PPP5C: variants seen among roughly 807,000 people sequenced by gnomAD.
PPP5C encodes serine/threonine-protein phosphatase 5.
A neutral mutation model predicts 66.7 loss-of-function variants in PPP5C; 21 were observed. The ratio of observed to expected loss-of-function variants is 0.31; its 90% CI spans 0.22 to 0.45. The LOEUF (loss-of-function observed/expected upper bound fraction) is 0.45, where lower values mean the gene tolerates loss of function less well. Among genes scored for constraint, PPP5C ranks in the 20% least tolerant of loss-of-function variants. PPP5C has a pLI of 1.00. For synonymous variants in PPP5C, 246 were observed against 257.4 expected (o/e 0.96, Z 0.43); for missense variants, 464 against 675.9 (o/e 0.69, Z 3.48).
At chr19:46,390,254 C>T in intron 12 of PPP5C, 30 bp from the exon 13 acceptor site, 3 of 1,595,624 alleles carry the variant, frequency 1.9e-6, no homozygotes, top group East Asian at 2.3e-5. Flanking sequence ...GTTCTGACTT[C>T]TGTCCATCCC....
intron 8 of PPP5C, 57 bp from the exon 9 acceptor site, chr19:46,387,309 T>C: frequency 6.2e-7 from 1 of 1,610,416 alleles, no homozygotes; most frequent in Non-Finnish European, 8.5e-7. Flanking sequence ...GTGAAGGAAG[T>C]TGGGGCCTGT....
rs774421297 is a variant in PPP5C at position 46,390,142 on chromosome 19, C to G, written c.1437+10C>G. 2 of 1,613,178 alleles carry G rather than the reference C, an allele frequency of 1.2e-6. No individual in the cohort carries two copies. The highest frequency in any genetic ancestry group is 1.7e-6 in the Non-Finnish European group (2 of 1,179,206). On this transcript the variant is annotated intron_variant, in intron 12 of 12. Transcript: ENST00000012443. ...CCAGTTCACAGCAGTGGTGAGTCACCCCTCAGGGCCCCTGCCCCTTCCATC... is the reference window on the plus strand; with the variant it reads ...CCAGTTCACAGCAGTGGTGAGTCACGCCTCAGGGCCCCTGCCCCTTCCATC...
chr19:46,360,690 A>G (rs982360898), intron 2 of PPP5C, among the ~76,000 whole-genome samples: 7 of 151,990 alleles, frequency 4.6e-5, no homozygotes, highest in Non-Finnish European at 8.8e-5. Flanking sequence ...TTTTGTAGAG[A>G]CAGGGTTTTG....
chr19:46,358,535 C>T (rs903242465), intron 2 of PPP5C, among the ~76,000 whole-genome samples: 1 of 152,146 alleles, frequency 6.6e-6, no homozygotes, highest in Non-Finnish European at 1.5e-5. Context: ...CGTTTACCCT[C>T]GTAAATGTTC....
chr19:46,360,720 CTT>C (rs2147370183), intron 2 of PPP5C, among the ~76,000 whole-genome samples: 1 of 152,266 alleles, frequency 6.6e-6, no homozygotes, highest in South Asian at 2.1e-4. Flanking sequence ...CCAAGGTGGT[CTT>C]GAACTAGCCT....
Position 46,388,567 on chromosome 19 carries a change from C to T in PPP5C, c.1191C>T (p.Ile397=), listed in dbSNP as rs1434306778. Residue 397 remains isoleucine, a synonymous_variant, in exon 11 of 13, where the codon ATC becomes ATT. Transcript: ENST00000012443. This position sits in a 1 kb window ranked among gnomAD's most constrained non-coding sequence, Gnocchi z 4.9. ...SDPQPQNGRS[I]SKRGVSCQFG... Reference sequence around the variant, plus strand: ...CCCACCCTCAGAACGGGCGCTCGATCAGCAAGCGGGGCGTGAGCTGTCAGT... The same window carrying T: ...CCCACCCTCAGAACGGGCGCTCGATTAGCAAGCGGGGCGTGAGCTGTCAGT... The T allele has an allele frequency of 1.9e-6, 3 of 1,613,936 alleles. No individual in the cohort carries two copies. The African/African-American group carries it at 4.0e-5, about 22-fold the overall frequency.
chr19:46,369,233 T>C (rs1972541237), intron 2 of PPP5C, among the ~76,000 whole-genome samples: 1 of 152,194 alleles, frequency 6.6e-6, no homozygotes, highest in African/African-American at 2.4e-5. Flanking sequence ...CACACCTAGG[T>C]TATGTGGCAT....
rs1314168931 is a variant in PPP5C at position 46,349,586 on chromosome 19, G to A, written c.121+2369G>A. Reference sequence around the variant, plus strand: ...GTAGAACCTTGGAAGTCAGATTGGGGAATATGGGTGTCATCCTGGGGGTGG... The same window carrying A: ...GTAGAACCTTGGAAGTCAGATTGGGAAATATGGGTGTCATCCTGGGGGTGG... On this transcript the variant is annotated intron_variant, in intron 1 of 12. Coordinates refer to ENST00000012443, the MANE Select transcript of PPP5C (RefSeq NM_006247.4). Among the ~76,000 whole-genome samples, 6 of 152,126 alleles carry A rather than the reference G, an allele frequency of 3.9e-5. No individual in the cohort carries two copies. The East Asian group carries it at 1.2e-3, about 29-fold the overall frequency.
In PPP5C at chr19:46,383,837, A is replaced by G; in HGVS notation, c.757A>G (p.Ile253Val). 6.2e-7 allele frequency: 1 copy of G among 1,613,732 alleles called. No individual in the cohort carries two copies. Among genetic ancestry groups the G allele is most frequent in the Non-Finnish European group, 8.5e-7 (1 of 1,179,906 alleles). ...THGQFYDLLN[I>V]FELNGLPSET... is the part of the protein sequence containing the mutation. ...TGGCCAGTTCTATGACCTCCTCAAC[A>G]TATTCGAGCTCAACGGTTTACCCTC... Residue 253 changes from isoleucine to valine, a missense_variant, in exon 6 of 13, where the codon ATA becomes GTA. Coordinates refer to ENST00000012443, the MANE Select transcript of PPP5C (RefSeq NM_006247.4). The surrounding 1 kb of genome is among the most constrained non-coding windows in gnomAD (Gnocchi z 5.0).
Position 46,347,171 on chromosome 19 carries a change from G to T in PPP5C, c.75G>T (p.Leu25=). The T allele has an allele frequency of 6.2e-7, 1 of 1,606,028 alleles. No homozygotes were observed. Among genetic ancestry groups the T allele is most frequent in the Non-Finnish European group, 8.5e-7 (1 of 1,176,656 alleles). Residue 25 remains leucine, a synonymous_variant, in exon 1 of 13, where the codon CTG becomes CTT. Transcript: ENST00000012443. The stretch of plus-strand genomic sequence containing the variant: ...ACGAACCCCCGGCTGATGGAGCTCT[G>T]AAGCGGGCAGAGGAGCTCAAGACTC... ...PRDEPPADGA[L]KRAEELKTQA...
At position 46,383,222 on chromosome 19, in the gene PPP5C, A is replaced by T. The variant is rs1295875011; in HGVS notation, c.634-189A>T. ...GCAATGCTTCGGCACTGCACAGGCC[A>T]CAGAAGCCTGCGGCTGCCTCCGGCC... On this transcript the variant is annotated intron_variant, in intron 4 of 12. Coordinates refer to ENST00000012443, the MANE Select transcript of PPP5C (RefSeq NM_006247.4). The surrounding 1 kb of genome is among the most constrained non-coding windows in gnomAD (Gnocchi z 5.0). 6.5e-7 allele frequency: 1 copy of T among 1,536,552 alleles called. No individual in the cohort carries two copies. Among genetic ancestry groups the T allele is most frequent in the East Asian group, 2.5e-5 (1 of 40,760 alleles).
intron 2 of PPP5C, among the ~76,000 whole-genome samples, chr19:46,370,833 C>T (rs973464900): frequency 2.6e-5 from 4 of 151,974 alleles, no homozygotes; most frequent in East Asian, 1.9e-4. Context: ...CTCCGCCTCC[C>T]GGGTTCATAC....
At position 46,388,081 on chromosome 19, in the gene PPP5C, A is replaced by C; in HGVS notation, c.1136-327A>C. 6.0e-6 allele frequency: 2 copies of C among 332,524 alleles called. No individual in the cohort carries two copies. Among genetic ancestry groups the C allele is most frequent in the Non-Finnish European group, 1.1e-5 (2 of 179,428 alleles). 20.6% of individuals were successfully genotyped at this position (332,524 alleles called of 1,614,324 possible). A position where few individuals can be genotyped will look rare whatever the true frequency, so the allele number is the denominator to read the frequency against. On this transcript the variant is annotated intron_variant, in intron 9 of 12. Coordinates refer to ENST00000012443, the MANE Select transcript of PPP5C (RefSeq NM_006247.4). This position sits in a 1 kb window ranked among gnomAD's most constrained non-coding sequence, Gnocchi z 4.9. ...GGCGCTTTACAGGCCCCAGTGAGGA[A>C]CTTTGTTCCTAGGGCAGTGCGGAGC...
At chr19:46,371,630 C>A (rs1972594758) in intron 2 of PPP5C, among the ~76,000 whole-genome samples, 1 of 152,172 alleles carries the variant, frequency 6.6e-6, no homozygotes, top group African/African-American at 2.4e-5. Context: ...TCACCCTTAG[C>A]TCAGGCAGTG....
chr19:46,361,623 G>T (rs1170936141), intron 2 of PPP5C, among the ~76,000 whole-genome samples: 1 of 149,422 alleles, frequency 6.7e-6, no homozygotes, highest in East Asian at 2.0e-4. Context: ...AAATTAGCCG[G>T]GCTTGGTGGC....
Position 46,376,856 on chromosome 19 carries a change from A to G in PPP5C, c.633+282A>G, listed in dbSNP as rs183616490. Among the ~76,000 whole-genome samples, 294 of 152,274 alleles carry G rather than the reference A, an allele frequency of 1.9e-3. No homozygotes were observed. Among genetic ancestry groups the G allele is most frequent in the African/African-American group, 6.8e-3 (282 of 41,560 alleles). ...AGGGTGAAAGGTGAGGAAGCAGTAG[A>G]GTCTGTTGCTTTGAGTTCTCATCCC... On this transcript the variant is annotated intron_variant, in intron 4 of 12. Coordinates refer to ENST00000012443, the MANE Select transcript of PPP5C (RefSeq NM_006247.4). The surrounding 1 kb of genome is among the most constrained non-coding windows in gnomAD (Gnocchi z 5.1).
At chr19:46,384,723 C>A in intron 6 of PPP5C, 81 bp from the exon 7 acceptor site, 1 of 1,102,280 alleles carries the variant, frequency 9.1e-7, no homozygotes, top group Non-Finnish European at 1.4e-6. Context: ...GCCCATCTGG[C>A]CCATCTTCTG....
chr19:46,362,823 T>C (rs1016089744), intron 2 of PPP5C, among the ~76,000 whole-genome samples: 5 of 151,584 alleles, frequency 3.3e-5, no homozygotes, highest in Non-Finnish European at 5.9e-5. Context: ...GGTCTCACTC[T>C]GTCGCCCAGG....
chr19:46,347,246 A>T (rs1426432895), intron 1 of PPP5C, 29 bp downstream of exon 1: 1 of 1,588,840 alleles, frequency 6.3e-7, no homozygotes, highest in East Asian at 2.3e-5. Context: ...GAGGGTGGAC[A>T]GTGGCCCAGG....
Sources: gnomAD v4.1 joint callset for allele counts (sites outside exome capture counted in the v4.1 genomes callset) on GRCh38, gnomAD v4.1.1 for gene constraint, Gnocchi (gnomAD v3.1) non-coding constraint, MANE v1.5 for transcripts, NCBI Gene and HGNC (gene_info 2026-07-23, HGNC 2026-07-21) for gene names.